ZNF676: variants seen among roughly 807,000 people sequenced by gnomAD.
ZNF676 encodes the protein zinc finger protein 676.
Under a neutral mutation model 6.0 loss-of-function variants are expected in ZNF676, and 4 were observed. The ratio of observed to expected loss-of-function variants is 0.67; its 90% CI spans 0.33 to 1.53. The LOEUF is 1.53. Among genes scored for constraint, ZNF676 ranks in the 40% most tolerant of loss-of-function variants. ZNF676 has a pLI of 0.06. For missense variants in ZNF676, 644 were observed against 679.7 expected (o/e 0.95, Z 0.58); for synonymous variants, 198 against 223.1 (o/e 0.89, Z 1.00).
chr19:22,202,651 C>G (rs536110276), intron 1 of ZNF676, among the ~76,000 whole-genome samples: 1 of 152,178 alleles, frequency 6.6e-6, no homozygotes, highest in Non-Finnish European at 1.5e-5. Context: ...ACATGCATTA[C>G]AGTCAATTTG....
intron 1 of ZNF676, among the ~76,000 whole-genome samples, chr19:22,206,745 A>G (rs1192643388): frequency 6.6e-6 from 1 of 152,044 alleles, no homozygotes; most frequent in Non-Finnish European, 1.5e-5. Context: ...AACCTAACCC[A>G]CTATGATCAA....
intron 2 of ZNF676, among the ~76,000 whole-genome samples, chr19:22,184,006 T>C (rs1341939958): frequency 6.6e-6 from 1 of 152,178 alleles, no homozygotes; most frequent in Non-Finnish European, 1.5e-5. Context: ...TCAATATAAT[T>C]ATAGTAGGAT....
the ZNF676 span, among the ~76,000 whole-genome samples, chr19:22,241,558 T>A: frequency 6.6e-6 from 1 of 151,894 alleles, no homozygotes; most frequent in African/African-American, 2.4e-5. Flanking sequence ...TCTTTACTAT[T>A]GGCTACCTGT....
chr19:22,217,350 T>A (rs2024202951), upstream of ZNF676, among the ~76,000 whole-genome samples: 1 of 152,096 alleles, frequency 6.6e-6, no homozygotes, highest in Non-Finnish European at 1.5e-5. Flanking sequence ...ATTATAGGCA[T>A]GTGCCACCAT....
At chr19:22,245,655 T>C in the ZNF676 span, among the ~76,000 whole-genome samples, 2 of 152,012 alleles carry the variant, frequency 1.3e-5, no homozygotes, top group African/African-American at 4.8e-5. Flanking sequence ...TTCGGTGATA[T>C]ATCACAATCC....
rs1402685460 is a variant in ZNF676 at position 22,209,285 on chromosome 19, G to C, written c.3+6347C>G. Among the ~76,000 whole-genome samples the C allele has an allele frequency of 2.0e-5, 3 of 149,288 alleles. No individual in the cohort carries two copies. The East Asian group carries it at 5.9e-4, about 29-fold the overall frequency. Reference sequence around the variant, plus strand: ...TCAAAACAAACAAACAAACAAATATGGTACATAAACATCATGACATCATGA... The same window carrying C: ...TCAAAACAAACAAACAAACAAATATCGTACATAAACATCATGACATCATGA... On this transcript the variant is annotated intron_variant, in intron 1 of 3. Transcript: ENST00000650058.
In ZNF676 at chr19:22,180,589, C is replaced by A. The variant is rs762071204; in HGVS notation, c.1128G>T (p.Lys376Asn). ...KCEGCGKAFS[K>N]VSTLNTHKAI... ...CCTTATGTGTATTAAGGGTTGAGAC[C>A]TTACTAAAGGCTTTGCCACATCCTT... Residue 376 changes from lysine to asparagine, a missense_variant, in exon 3 of 3, where the codon AAG becomes AAT. By Grantham distance (94) the Lys-to-Asn change is moderately conservative (BLOSUM62 0). Around this residue, in one of 5 missense-constraint regions of ZNF676, gnomAD observed 306 missense variants for 265.4 expected, o/e 1.15. Coordinates refer to ENST00000397121, the MANE Select transcript of ZNF676 (RefSeq NM_001001411.3). 1 of 1,605,730 alleles carries A rather than the reference C, an allele frequency of 6.2e-7. No individual in the cohort carries two copies. The highest frequency in any genetic ancestry group is 8.5e-7 in the Non-Finnish European group (1 of 1,176,848).
At chr19:22,237,261 CCAAG>C in the ZNF676 span, among the ~76,000 whole-genome samples, 4 of 152,180 alleles carry the variant, frequency 2.6e-5, no homozygotes, top group African/African-American at 9.7e-5. Flanking sequence ...TTTCAGCTAA[CCAAG>C]CAAATAAACT....
chr19:22,235,117 A>AAGTC, the ZNF676 span, among the ~76,000 whole-genome samples: 3 of 96,236 alleles, frequency 3.1e-5, no homozygotes, highest in Non-Finnish European at 6.2e-5. Flanking sequence ...GGAAGGCAGG[A>AAGTC]AGGCAGGAAG....
chr19:22,183,683 C>G (rs1335864856), intron 2 of ZNF676, among the ~76,000 whole-genome samples: 1 of 152,114 alleles, frequency 6.6e-6, no homozygotes, highest in East Asian at 1.9e-4. Context: ...TGCCTTTCTA[C>G]AAGAGTCAGT....
intron 1 of ZNF676, among the ~76,000 whole-genome samples, chr19:22,205,438 C>T (rs969352429): frequency 1.6e-4 from 24 of 152,012 alleles, no homozygotes; most frequent in Admixed American, 1.3e-3. Flanking sequence ...TTCAAAAATC[C>T]CAAAACGATA....
chr19:22,253,384 A>C, the ZNF676 span, among the ~76,000 whole-genome samples: 1 of 117,812 alleles, frequency 8.5e-6, no homozygotes. Flanking sequence ...ATATATATAT[A>C]TATATATATA....
At chr19:22,215,648 G>A in exon 1 of ZNF676, 1 of 1,610,064 alleles carries the variant, frequency 6.2e-7, no homozygotes, top group South Asian at 1.1e-5. Flanking sequence ...TAGGCTTCCA[G>A]GGGGTCCTGG....
chr19:22,239,644 T>C, the ZNF676 span, among the ~76,000 whole-genome samples: 2 of 152,228 alleles, frequency 1.3e-5, no homozygotes, highest in Non-Finnish European at 2.9e-5. Flanking sequence ...CAGAGGGCTT[T>C]ATGTAATTTC....
the ZNF676 span, among the ~76,000 whole-genome samples, chr19:22,257,467 C>T: frequency 6.6e-6 from 1 of 152,148 alleles, no homozygotes; most frequent in African/African-American, 2.4e-5. Flanking sequence ...AGTGATAAGT[C>T]ACTATTATTC....
Position 22,196,935 on chromosome 19 carries a change from ATC to A in ZNF676, c.-304_-303del. On this transcript the variant is annotated 5_prime_UTR_variant, in exon 1 of 3. It adds an upstream start codon to the 5' untranslated region. Transcript: ENST00000397121. ...AAGAAAGTGGTATAAGATCCATAAC[ATC>A]TGTGTATATGTAATATTTTTCTAGA... 1.9e-6 allele frequency: 1 copy of A among 531,736 alleles called. No homozygotes were observed. The highest frequency in any genetic ancestry group is 3.3e-6 in the Non-Finnish European group (1 of 302,842). 32.9% of individuals were successfully genotyped at this position (531,736 alleles called of 1,614,324 possible).
At chr19:22,255,619 G>A in the ZNF676 span, among the ~76,000 whole-genome samples, 1 of 152,098 alleles carries the variant, frequency 6.6e-6, no homozygotes, top group Admixed American at 6.5e-5. Flanking sequence ...GCTGAGGTGG[G>A]TGAATCACAA....
the ZNF676 span, among the ~76,000 whole-genome samples, chr19:22,231,601 C>CTTTATTTA: frequency 3.0e-5 from 2 of 67,672 alleles, no homozygotes; most frequent in Non-Finnish European, 5.5e-5. Flanking sequence ...TTAGCTGTAT[C>CTTTATTTA]TTTATTTATT....
chr19:22,245,029 A>C, the ZNF676 span: 1 of 152,308 alleles, frequency 6.6e-6, no homozygotes, highest in African/African-American at 2.4e-5. Flanking sequence ...TGCAGGGCTC[A>C]TGAAAAGAGA....
Sources: gnomAD v4.1 joint callset for allele counts (sites outside exome capture counted in the v4.1 genomes callset) on GRCh38, gnomAD v4.1.1 for gene constraint, gnomAD v4.1.1 regional missense constraint, MANE v1.5 for transcripts, NCBI Gene and HGNC (gene_info 2026-07-23, HGNC 2026-07-21) for gene names.